DLGAP2: variants seen among roughly 807,000 people sequenced by gnomAD.
DLGAP2 encodes the protein DLG associated protein 2.
Under a neutral mutation model 100.3 loss-of-function variants are expected in DLGAP2, and 26 were observed. The observed-to-expected ratio is 0.26, with a 90% CI of 0.19 to 0.36. The LOEUF (loss-of-function observed/expected upper bound fraction) is 0.36. DLGAP2 is among the 10% of genes least tolerant of loss of function. The pLI, the probability that DLGAP2 is intolerant of heterozygous loss-of-function variation, is 1.00. For synonymous variants in DLGAP2, 886 were observed against 630.1 expected (o/e 1.41, Z -6.08); for missense variants, 1,858 against 1,453.2 (o/e 1.28, Z -4.53).
At chr8:1,074,180 A>T (rs2600491) in intron 2 of DLGAP2, among the ~76,000 whole-genome samples, 10 of 144,066 alleles carry the variant, frequency 6.9e-5, no homozygotes, top group Admixed American at 2.0e-4. Flanking sequence ...GAGTCACTGT[A>T]ACAGAAGGGT....
At chr8:920,412 G>A (rs757143202) in intron 2 of DLGAP2, among the ~76,000 whole-genome samples, 6 of 152,228 alleles carry the variant, frequency 3.9e-5, no homozygotes, top group Non-Finnish European at 8.8e-5. Flanking sequence ...ACGGAGCAGA[G>A]TTTCAGGCCT....
intron 2 of DLGAP2, among the ~76,000 whole-genome samples, chr8:1,027,759 C>T (rs1801849638): frequency 7.6e-6 from 1 of 131,860 alleles, no homozygotes. Flanking sequence ...CCGTTATTCT[C>T]CAGGTGGGGT....
intron 2 of DLGAP2, among the ~76,000 whole-genome samples, chr8:1,238,598 T>G (rs1464984525): frequency 2.7e-4 from 23 of 85,484 alleles, no homozygotes; most frequent in African/African-American, 8.5e-4. Context: ...ACCTATCACA[T>G]GGTGCCGTGT....
At chr8:807,660 T>G (rs1796294326) in intron 1 of DLGAP2, among the ~76,000 whole-genome samples, 1 of 152,050 alleles carries the variant, frequency 6.6e-6, no homozygotes. Flanking sequence ...CTCTCCTCTT[T>G]TTCTTCATTT....
chr8:1,173,602 C>A (rs188056238), intron 2 of DLGAP2, among the ~76,000 whole-genome samples: 14 of 152,272 alleles, frequency 9.2e-5, no homozygotes, highest in African/African-American at 3.4e-4. Context: ...CGCCCCTCCC[C>A]CAGCCTCCCT....
At chr8:748,554 C>T (rs1820711500) in intron 1 of DLGAP2, among the ~76,000 whole-genome samples, 2 of 152,154 alleles carry the variant, frequency 1.3e-5, no homozygotes, top group Admixed American at 6.5e-5. Context: ...GAGTCCAAAG[C>T]ATAGAGGAGC....
At chr8:1,143,579 G>A (rs923391103) in intron 2 of DLGAP2, among the ~76,000 whole-genome samples, 33 of 152,270 alleles carry the variant, frequency 2.2e-4, no homozygotes, top group African/African-American at 5.8e-4. Flanking sequence ...CTCAGCCCCG[G>A]GCTCTCCAGG....
intron 1 of DLGAP2, among the ~76,000 whole-genome samples, chr8:884,084 A>T (rs1797874178): frequency 6.6e-6 from 1 of 152,222 alleles, no homozygotes; most frequent in South Asian, 2.1e-4. Context: ...TATTGTGAAT[A>T]GTGCTGCAAT....
intron 3 of DLGAP2, among the ~76,000 whole-genome samples, chr8:1,317,114 G>A (rs1334986691): frequency 9.4e-5 from 13 of 138,330 alleles, no homozygotes; most frequent in Admixed American, 1.5e-4. Flanking sequence ...GAGCCTGTGC[G>A]AGTGCAGCGT....
chr8:989,109 G>A (rs536904455), intron 2 of DLGAP2, among the ~76,000 whole-genome samples: 54 of 152,266 alleles, frequency 3.5e-4, no homozygotes, highest in South Asian at 6.2e-4. Context: ...TGTGACGACC[G>A]CAGTGCAGTC....
intron 2 of DLGAP2, among the ~76,000 whole-genome samples, chr8:1,186,465 C>G (rs1378865279): frequency 6.6e-6 from 1 of 152,206 alleles, no homozygotes; most frequent in Non-Finnish European, 1.5e-5. Context: ...GCTTCACGCC[C>G]TAAGCCAGCG....
intron 3 of DLGAP2, among the ~76,000 whole-genome samples, chr8:1,473,811 C>T (rs1269457801): frequency 6.6e-6 from 1 of 152,074 alleles, no homozygotes; most frequent in African/African-American, 2.4e-5. Context: ...GAGGGGTTTC[C>T]CATTTTGCTT....
At chr8:833,887 C>G (rs1021580428) in intron 1 of DLGAP2, among the ~76,000 whole-genome samples, 1 of 152,162 alleles carries the variant, frequency 6.6e-6, no homozygotes, top group African/African-American at 2.4e-5. Flanking sequence ...TTGGATTATC[C>G]TCTTTGCCAT....
chr8:1,129,273 C>T (rs951280104), intron 2 of DLGAP2, among the ~76,000 whole-genome samples: 3 of 151,824 alleles, frequency 2.0e-5, no homozygotes, highest in Admixed American at 1.3e-4. Context: ...CAAGGTGGCA[C>T]GTGCCTGTGT....
At chr8:1,064,370 C>G (rs1803180355) in intron 2 of DLGAP2, among the ~76,000 whole-genome samples, 1 of 152,140 alleles carries the variant, frequency 6.6e-6, no homozygotes, top group South Asian at 2.1e-4. Context: ...TGTCAGGCAA[C>G]CTGTTTCATA....
chr8:1,381,310 A>G (rs983859716), intron 3 of DLGAP2: 4 of 152,224 alleles, frequency 2.6e-5, no homozygotes, highest in African/African-American at 7.2e-5. Flanking sequence ...ATACTAGCCA[A>G]TGTTAGCAAA....
chr8:1,140,115 C>T (rs1796496084), intron 2 of DLGAP2, among the ~76,000 whole-genome samples: 1 of 152,200 alleles, frequency 6.6e-6, no homozygotes, highest in Admixed American at 6.5e-5. Context: ...TCTCCCATTT[C>T]CATTACAAGG....
At chr8:836,954 C>T (rs1226329965) in intron 1 of DLGAP2, among the ~76,000 whole-genome samples, 1 of 152,242 alleles carries the variant, frequency 6.6e-6, no homozygotes, top group African/African-American at 2.4e-5. Flanking sequence ...GCAGATCCCA[C>T]CCTAACATTC....
intron 2 of DLGAP2, among the ~76,000 whole-genome samples, chr8:1,193,692 G>C (rs925224745): frequency 6.6e-6 from 1 of 152,054 alleles, no homozygotes; most frequent in Non-Finnish European, 1.5e-5. Flanking sequence ...CCTGAGTCTC[G>C]CGTGGCTGGC....
Sources: allele counts gnomAD v4.1 joint callset (sites outside exome capture counted in the v4.1 genomes callset), GRCh38; gene constraint gnomAD v4.1.1; transcripts MANE v1.5; gene names NCBI Gene and HGNC (gene_info 2026-07-23, HGNC 2026-07-21).